The following NALCN variants were observed in gnomAD, a reference collection of about 807,000 sequenced individuals.
NALCN encodes the protein sodium leak channel NALCN.
In NALCN, 111 loss-of-function variants were observed where a neutral mutation model predicts 225.3. That is an observed-to-expected ratio of 0.49 (90% CI 0.42 to 0.58). The LOEUF (loss-of-function observed/expected upper bound fraction) is 0.58, where lower values mean the gene tolerates loss of function less well. Ranked by LOEUF, NALCN falls within the 20% of genes least tolerant of loss-of-function variation. The pLI is 0.00. For synonymous variants in NALCN, 764 were observed against 769.0 expected, an observed-to-expected ratio of 0.99 and a Z score of 0.11; for missense variants, 1,378 against 2,202.4, an observed-to-expected ratio of 0.63 and a Z score of 7.49.
intron 6 of NALCN, among the ~76,000 whole-genome samples, chr13:101,369,508 G>A (rs912724239): frequency 3.3e-5 from 5 of 152,182 alleles, no homozygotes; most frequent in East Asian, 3.9e-4. Flanking sequence ...CAATTTCTGC[G>A]ATCATTTATG....
intron 6 of NALCN, among the ~76,000 whole-genome samples, chr13:101,365,319 T>TAAGA (rs1165805890): frequency 2.0e-5 from 3 of 152,150 alleles, no homozygotes; most frequent in Admixed American, 2.0e-4. Flanking sequence ...CTTCCTGTGT[T>TAAGA]AGTTTGCTTA....
chr13:101,289,647 A>G (rs1252035947), intron 9 of NALCN, among the ~76,000 whole-genome samples: 1 of 152,060 alleles, frequency 6.6e-6, no homozygotes, highest in African/African-American at 2.4e-5. Context: ...TTTGATGAGA[A>G]TAGCCTATAT....
intron 18 of NALCN, among the ~76,000 whole-genome samples, chr13:101,116,259 T>C (rs573181041): frequency 2.0e-5 from 3 of 151,690 alleles, no homozygotes; most frequent in South Asian, 4.2e-4. Flanking sequence ...TCCTTTTTTT[T>C]CCCCCTGCAT....
chr13:101,119,601 C>T (rs776152683), intron 18 of NALCN, among the ~76,000 whole-genome samples: 4 of 152,048 alleles, frequency 2.6e-5, no homozygotes, highest in Admixed American at 6.6e-5. Flanking sequence ...ATTTTTTGCT[C>T]GATTTCAGGG....
chr13:101,239,509 C>T (rs1369542895), intron 11 of NALCN, among the ~76,000 whole-genome samples: 3 of 151,978 alleles, frequency 2.0e-5, no homozygotes, highest in Non-Finnish European at 4.4e-5. Flanking sequence ...CACTAACAAT[C>T]GTGGATATCC....
intron 1 of NALCN, among the ~76,000 whole-genome samples, chr13:101,399,965 G>C (rs1306038064): frequency 6.6e-6 from 1 of 152,158 alleles, no homozygotes; most frequent in African/African-American, 2.4e-5. Flanking sequence ...GCAATACAAT[G>C]TGAGAAGAAT....
intron 13 of NALCN, among the ~76,000 whole-genome samples, chr13:101,218,555 T>C (rs2040824066): frequency 6.6e-6 from 1 of 152,064 alleles, no homozygotes; most frequent in Non-Finnish European, 1.5e-5. Context: ...TCATGTTCAA[T>C]TGTAATCCCC....
Position 101,089,980 on chromosome 13 carries a change from A to G in NALCN, c.3270-14T>C. The G allele has an allele frequency of 1.2e-6, 2 of 1,613,778 alleles. No homozygotes were observed. The highest frequency in any genetic ancestry group is 1.7e-6 in the Non-Finnish European group (2 of 1,179,770). On this transcript the variant is annotated splice_polypyrimidine_tract_variant and intron_variant, in intron 28 of 43. Transcript: ENST00000251127. The surrounding 1 kb of genome is among the most constrained non-coding windows in gnomAD (Gnocchi z 4.7). ...CGAGGATTCGCCCTGCGATTCCAAT[A>G]CAGGAATGTTCTGTGAAATTCCAAT...
At chr13:101,142,628 C>T (rs1396769931) in intron 17 of NALCN, 1 of 160,290 alleles carries the variant, frequency 6.2e-6, no homozygotes, top group African/African-American at 2.4e-5. Flanking sequence ...AGCTCTTGCA[C>T]CTAAGTTCCT....
intron 2 of NALCN, 66 bp from the exon 3 acceptor site, chr13:101,395,431 C>G: frequency 1.3e-6 from 2 of 1,483,402 alleles, no homozygotes; most frequent in South Asian, 2.6e-5. Context: ...TATTATGAAC[C>G]ACACTAAGTG....
At position 101,054,534 on chromosome 13, in the gene NALCN, A is replaced by AACTT. The variant is rs1351101705; in HGVS notation, c.*757_*760dup. ...TCAGTTATTAAAAGGTTTCTTAAGA[A>AACTT]ACTTAACATCTTTGCGCAACTATGT... On this transcript the variant is annotated 3_prime_UTR_variant, in exon 44 of 44. Transcript: ENST00000251127. 1.3e-5 allele frequency: 2 copies of AACTT among 151,730 alleles called. No individual in the cohort carries two copies. Among genetic ancestry groups the AACTT allele is most frequent in the Non-Finnish European group, 2.9e-5 (2 of 68,026 alleles). The allele number at this position is 151,730 out of a possible 1,614,324, so 9.4% of individuals were successfully genotyped here.
intron 1 of NALCN, among the ~76,000 whole-genome samples, chr13:101,412,853 G>A (rs776176605): frequency 9.9e-5 from 15 of 152,168 alleles, no homozygotes; most frequent in Admixed American, 5.2e-4. Flanking sequence ...GCAAAAAGCA[G>A]AATTAGACTC....
chr13:101,301,661 C>G (rs1209147191), intron 7 of NALCN, among the ~76,000 whole-genome samples: 2 of 149,832 alleles, frequency 1.3e-5, no homozygotes, highest in African/African-American at 2.5e-5. Flanking sequence ...GCAGAGGGTG[C>G]AGTGAGCCGA....
intron 6 of NALCN, among the ~76,000 whole-genome samples, chr13:101,367,713 C>T (rs2046416500): frequency 6.6e-6 from 1 of 152,038 alleles, no homozygotes; most frequent in South Asian, 2.1e-4. Context: ...GTTACATGTA[C>T]ATTTTCAAAA....
rs534636032 is a variant in NALCN at position 101,410,668 on chromosome 13, C to T, written c.-40+5645G>A. 3.9e-5 allele frequency among the ~76,000 whole-genome samples: 6 copies of T among 152,166 alleles called. No homozygotes were observed. The East Asian group carries it at 5.8e-4, about 15-fold the overall frequency. Reference sequence around the variant, plus strand: ...ATGCCTTCAAAGAAAGGAAGCAAAACGATATTGCCTCTGGAAGTAATCTCA... The same window carrying T: ...ATGCCTTCAAAGAAAGGAAGCAAAATGATATTGCCTCTGGAAGTAATCTCA... On this transcript the variant is annotated intron_variant, in intron 1 of 43. Coordinates refer to ENST00000251127, the MANE Select transcript of NALCN (RefSeq NM_052867.4).
At chr13:101,086,797 A>G (rs1253809341) in intron 30 of NALCN, among the ~76,000 whole-genome samples, 2 of 152,032 alleles carry the variant, frequency 1.3e-5, no homozygotes, top group Non-Finnish European at 2.9e-5. Context: ...TGGAAGTTCT[A>G]TATCTTTCTG....
At chr13:101,370,473 G>A (rs1312399443) in intron 6 of NALCN, among the ~76,000 whole-genome samples, 1 of 152,218 alleles carries the variant, frequency 6.6e-6, no homozygotes, top group Admixed American at 6.5e-5. Context: ...ACCAGGTCTT[G>A]AGCCCATGTA....
At chr13:101,365,958 C>T (rs1056278571) in intron 6 of NALCN, among the ~76,000 whole-genome samples, 29 of 152,032 alleles carry the variant, frequency 1.9e-4, no homozygotes, top group Non-Finnish European at 1.5e-5. Flanking sequence ...TATTTGATAC[C>T]GAGCTATGAA....
At chr13:101,367,479 C>G (rs1444814195) in intron 6 of NALCN, among the ~76,000 whole-genome samples, 1 of 152,078 alleles carries the variant, frequency 6.6e-6, no homozygotes, top group African/African-American at 2.4e-5. Context: ...CAAGTGTGAG[C>G]TCCTCCAGGA....
Sources: gnomAD v4.1 joint callset for allele counts (sites outside exome capture counted in the v4.1 genomes callset) on GRCh38, gnomAD v4.1.1 for gene constraint, Gnocchi (gnomAD v3.1) non-coding constraint, MANE v1.5 for transcripts, NCBI Gene and HGNC (gene_info 2026-07-23, HGNC 2026-07-21) for gene names.